Variants in SELP observed in about 807,000 individuals in gnomAD.
SELP encodes selectin P.
Under a neutral mutation model 104.1 loss-of-function variants are expected in SELP, and 92 were observed. That is an observed-to-expected ratio of 0.88 (90% CI 0.75 to 1.05). SELP has a LOEUF of 1.05. Among genes scored for constraint, SELP ranks in the 50% least tolerant of loss-of-function variants. The pLI is 0.00. For synonymous variants in SELP, 397 were observed against 364.5 expected (o/e 1.09, Z -1.01); for missense variants, 1,022 against 1,017.3 (o/e 1.00, Z -0.06).
chr1:169,609,342 C>T (rs887390221), intron 8 of SELP, among the ~76,000 whole-genome samples, 162 bp downstream of exon 8: 15 of 152,184 alleles, frequency 9.9e-5, no homozygotes, highest in South Asian at 4.1e-4. Flanking sequence ...ACTGGCTTCA[C>T]GCACCGTTTC....
chr1:169,611,730 C>A, intron 6 of SELP, 53 bp from the exon 7 acceptor site: 1 of 1,539,368 alleles, frequency 6.5e-7, no homozygotes, highest in Non-Finnish European at 8.8e-7. Context: ...GGAGAAAAGC[C>A]ACACAGAGAG....
At chr1:169,614,906 T>A (rs1477500733) in intron 3 of SELP, among the ~76,000 whole-genome samples, 1 of 152,186 alleles carries the variant, frequency 6.6e-6, no homozygotes, top group Non-Finnish European at 1.5e-5. Flanking sequence ...CCCACCAATG[T>A]CTTAATACCT....
intron 8 of SELP, among the ~76,000 whole-genome samples, 158 bp from the exon 9 acceptor site, chr1:169,607,292 A>G (rs570568997): frequency 3.3e-5 from 5 of 152,326 alleles, no homozygotes; most frequent in South Asian, 2.1e-4. Context: ...ATAACGGCAC[A>G]TGAAGGATTT....
chr1:169,617,189 T>A lies in SELP; in HGVS notation c.320A>T (p.Lys107Ile). The change falls in exon 3 of 17, where the codon AAA (lysine) becomes ATA (isoleucine). Residue 107 changes from lysine (K) to isoleucine (I), a missense_variant. Physicochemically the swap from Lys to Ile is moderately radical, Grantham distance 102 (BLOSUM62 -3). Transcript: ENST00000263686. ...CTCAGCCTCGTTGGTGAGAGCCTTT[T>A]TGGTTCCCACCCATGTCCATGTCTT... The part of the protein sequence containing the change: ...NNKTWTWVGT[K>I]KALTNEAENW... The A allele has an allele frequency of 1.9e-6, 3 of 1,614,238 alleles. No homozygotes were observed. Among genetic ancestry groups the A allele is most frequent in the Non-Finnish European group, 2.5e-6 (3 of 1,180,044 alleles).
At chr1:169,614,540 C>A (rs184514859) in intron 3 of SELP, among the ~76,000 whole-genome samples, 45 of 152,234 alleles carry the variant, frequency 3.0e-4, no homozygotes, top group African/African-American at 1.1e-3. Flanking sequence ...TTAATGAGGT[C>A]ATAGTTGGGG....
intron 3 of SELP, among the ~76,000 whole-genome samples, chr1:169,614,380 G>A (rs1404789913): frequency 2.0e-5 from 3 of 152,220 alleles, no homozygotes; most frequent in Non-Finnish European, 4.4e-5. Flanking sequence ...TGGCTGAACT[G>A]CCATGTCCTC....
intron 12 of SELP, 40 bp downstream of exon 12, chr1:169,595,885 G>A: frequency 1.9e-6 from 3 of 1,582,800 alleles, no homozygotes; most frequent in Non-Finnish European, 2.6e-6. Context: ...AGTACTTGCA[G>A]GAAGGCAGGT....
In SELP at chr1:169,612,549, C is replaced by A. The variant is rs1662595914; in HGVS notation, c.776-147G>T. 4.3e-6 allele frequency: 3 copies of A among 701,526 alleles called. No homozygotes were observed. In the South Asian group the frequency reaches 5.7e-5, roughly 13 times the overall value. 43.5% of individuals were successfully genotyped at this position (701,526 alleles called of 1,614,324 possible). Reference sequence around the variant, plus strand: ...AATGGTTAAATGGTGTTTTCAATAGCTGCTTGGAAAGATCAAACACCCTTG... The same window carrying A: ...AATGGTTAAATGGTGTTTTCAATAGATGCTTGGAAAGATCAAACACCCTTG... On this transcript the variant is annotated intron_variant, in intron 5 of 16. Coordinates refer to ENST00000263686, the MANE Select transcript of SELP (RefSeq NM_003005.4).
intron 9 of SELP, among the ~76,000 whole-genome samples, chr1:169,606,292 G>A (rs1421266722): frequency 6.6e-6 from 1 of 152,196 alleles, no homozygotes; most frequent in Non-Finnish European, 1.5e-5. Flanking sequence ...ACTCCAGCCT[G>A]GGCGACAGAG....
intron 2 of SELP, 142 bp from the exon 3 acceptor site, chr1:169,617,556 AGTTGTTT>A: frequency 1.2e-6 from 1 of 830,462 alleles, no homozygotes; most frequent in Non-Finnish European, 1.9e-6. Context: ...TGTCTAATGT[AGTTGTTT>A]GAAGGAAAAA....
chr1:169,605,493 T>G lies in SELP; in HGVS notation c.1519+1456A>C, dbSNP rs796706761. ...AACAATGGGGTGTGTGTGTGGGGGG[T>G]GTGTGTGTGTGTATGTGATTATGCT... On this transcript the variant is annotated intron_variant, in intron 9 of 16. Coordinates refer to ENST00000263686, the MANE Select transcript of SELP (RefSeq NM_003005.4). Among the ~76,000 whole-genome samples the G allele has an allele frequency of 2.6e-3, 383 of 145,648 alleles. 8 individuals are homozygous for G. Among genetic ancestry groups the G allele is most frequent in the East Asian group, 4.4e-3 (19 of 4,352 alleles).
chr1:169,612,912 G>T lies in SELP; in HGVS notation c.775+17C>A. ...AATTCTATGTCAGTGAGGATGAAAA[G>T]AATAAGGTCTACATACCTAAACACT... is the stretch of plus-strand genomic sequence containing the variant. On this transcript the variant is annotated intron_variant, in intron 5 of 16. Coordinates refer to ENST00000263686, the MANE Select transcript of SELP (RefSeq NM_003005.4). The T allele has an allele frequency of 6.4e-7, 1 of 1,554,364 alleles. No homozygotes were observed. Among genetic ancestry groups the T allele is most frequent in the South Asian group, 1.2e-5 (1 of 84,084 alleles).
chr1:169,607,040 G>A lies in SELP; in HGVS notation c.1428C>T (p.Phe476=). Residue 476 remains phenylalanine (F), a synonymous_variant, in exon 9 of 17, where the codon TTC becomes TTT. Transcript: ENST00000263686. ...GAFRYQSVCS[F]TCNEGLLLVG... ...CCAGGAGCAAGCCTTCATTGCAGGTGAAGCTGCAGACTGACTGGTACCTAA... is the reference window on the plus strand; with the variant it reads ...CCAGGAGCAAGCCTTCATTGCAGGTAAAGCTGCAGACTGACTGGTACCTAA... The A allele has an allele frequency of 6.2e-7, 1 of 1,613,754 alleles. No individual in the cohort carries two copies. Among genetic ancestry groups the A allele is most frequent in the Non-Finnish European group, 8.5e-7 (1 of 1,179,716 alleles).
intron 6 of SELP, 78 bp from the exon 7 acceptor site, chr1:169,611,755 C>T (rs1662548747): frequency 1.4e-6 from 2 of 1,397,424 alleles, no homozygotes; most frequent in African/African-American, 2.9e-5. Context: ...GGTGGAACCA[C>T]CTCTGAAATG....
intron 12 of SELP, among the ~76,000 whole-genome samples, chr1:169,595,438 G>A (rs1205686141): frequency 6.6e-6 from 1 of 152,134 alleles, no homozygotes; most frequent in Non-Finnish European, 1.5e-5. Context: ...CATTTGCAAA[G>A]CACTGTGCTA....
intron 3 of SELP, among the ~76,000 whole-genome samples, chr1:169,615,907 A>C (rs3917707): frequency 0.083 from 12,561 of 152,196 alleles, 670 homozygotes; most frequent in African/African-American, 0.15. Context: ...CAGAATATGT[A>C]TGGCAGATGA....
chr1:169,624,315 G>A (rs1442375476), intron 1 of SELP, among the ~76,000 whole-genome samples: 1 of 152,194 alleles, frequency 6.6e-6, no homozygotes, highest in Non-Finnish European at 1.5e-5. Flanking sequence ...GCATCCACAT[G>A]CTCTGCTAGT....
intron 3 of SELP, 89 bp from the exon 4 acceptor site, chr1:169,613,782 C>T: frequency 9.5e-7 from 1 of 1,055,810 alleles, no homozygotes; most frequent in South Asian, 1.3e-5. Flanking sequence ...CTCATCCCCT[C>T]TCAGATAGGA....
intron 16 of SELP, among the ~76,000 whole-genome samples, 157 bp downstream of exon 16, chr1:169,589,990 C>T (rs1288723750): frequency 1.3e-5 from 2 of 152,216 alleles, no homozygotes; most frequent in Non-Finnish European, 2.9e-5. Context: ...ATTGTCATAC[C>T]TGTGTCCTAC....
Sources: allele counts gnomAD v4.1 joint callset (sites outside exome capture counted in the v4.1 genomes callset), GRCh38; gene constraint gnomAD v4.1.1; transcripts MANE v1.5; gene names NCBI Gene and HGNC (gene_info 2026-07-23, HGNC 2026-07-21).